DSC3: variants seen among roughly 807,000 people sequenced by gnomAD.
DSC3 encodes the protein desmocollin-3.
Under a neutral mutation model 89.5 loss-of-function variants are expected in DSC3, and 97 were observed. The observed-to-expected ratio is 1.08, with a 90% confidence interval of 0.92 to 1.28. The LOEUF (loss-of-function observed/expected upper bound fraction) is 1.28. DSC3 is among the 50% of genes most tolerant of loss of function. DSC3 has a pLI of 0.00. For missense variants in DSC3, 1,199 were observed against 1,085.3 expected (o/e 1.10, Z -1.47); for synonymous variants, 436 against 384.1 (o/e 1.14, Z -1.58).
chr18:31,018,671 T>G lies in DSC3; in HGVS notation c.1072A>C (p.Asn358His). The G allele has an allele frequency of 6.2e-7, 1 of 1,612,948 alleles. No homozygotes were observed. Among genetic ancestry groups the G allele is most frequent in the Non-Finnish European group, 8.5e-7 (1 of 1,179,818 alleles). Reference protein sequence around the residue: ...SNDNAPTFRQNAYEAFVEENA... With the variant: ...SNDNAPTFRQHAYEAFVEENA... ...TTTTGATATTATATACTTACAGCAT[T>G]TTGTCTGAAAGTGGGTGCATTATCA... Residue 358 changes from asparagine to histidine, a missense_variant, in exon 8 of 16, where the codon AAT (asparagine) becomes CAT (histidine). Transcript: ENST00000360428.
chr18:31,041,514 A>C (rs1321565051), intron 1 of DSC3, among the ~76,000 whole-genome samples: 3 of 152,210 alleles, frequency 2.0e-5, no homozygotes, highest in Non-Finnish European at 4.4e-5. Flanking sequence ...GCCAGGAAGC[A>C]GTAAGAATCC....
intron 4 of DSC3, among the ~76,000 whole-genome samples, chr18:31,027,105 T>C (rs1018889468): frequency 6.6e-6 from 1 of 152,120 alleles, no homozygotes; most frequent in Non-Finnish European, 1.5e-5. Context: ...AAATCAAAAG[T>C]TTAACTATGA....
chr18:31,035,598 A>C lies in DSC3; in HGVS notation c.70-3322T>G, dbSNP rs182453554. 8.8e-3 allele frequency among the ~76,000 whole-genome samples: 1,339 copies of C among 151,870 alleles called. 24 individuals carry two copies. Among genetic ancestry groups the C allele is most frequent in the African/African-American group, 0.03 (1,241 of 41,452 alleles). On this transcript the variant is annotated intron_variant, in intron 1 of 15. Coordinates refer to ENST00000360428, the MANE Select transcript of DSC3 (RefSeq NM_001941.5). Reference sequence around the variant, plus strand: ...CTGTAGTTGTTATTTTTGAATCCCCAAAAAAAAGCTATGCCCAATATATAT... The same window carrying C: ...CTGTAGTTGTTATTTTTGAATCCCCCAAAAAAAGCTATGCCCAATATATAT...
chr18:31,008,187 C>T lies in DSC3; in HGVS notation c.1521-29G>A, dbSNP rs201487066. The T allele has an allele frequency of 2.0e-4, 325 of 1,606,892 alleles. 2 individuals are homozygous for T. The African/African-American group carries it at 4.1e-3, about 20-fold the overall frequency. ...TTAATAAAAAAAAAATAGTCTTTAG[C>T]ATCAGAAAATGTTTTCAAATAAGTT... On this transcript the variant is annotated intron_variant, in intron 10 of 15. Transcript: ENST00000360428.
At position 31,001,735 on chromosome 18, in the gene DSC3, T is replaced by C. The variant is rs781691594; in HGVS notation, c.2118A>G (p.Val706=). ...ILLGIALLFS[V]LLTLVCGVFG... Reference sequence around the variant, plus strand: ...AAACTCCACATACTAAAGTTAGCAATACAGCTGAATTTAAAAATAAAAATA... The same window carrying C: ...AAACTCCACATACTAAAGTTAGCAACACAGCTGAATTTAAAAATAAAAATA... The change falls in exon 14 of 16, where the codon GTA becomes GTG. Residue 706 remains valine, a synonymous_variant. Transcript: ENST00000360428. The C allele has an allele frequency of 6.3e-7, 1 of 1,586,186 alleles. No homozygotes were observed. Among genetic ancestry groups the C allele is most frequent in the Non-Finnish European group, 8.6e-7 (1 of 1,169,112 alleles).
intron 1 of DSC3, 152 bp from the exon 2 acceptor site, chr18:31,032,428 T>A: frequency 1.5e-6 from 1 of 661,630 alleles, no homozygotes. Context: ...ATTTGCTCAA[T>A]ATGGTAAAGT....
chr18:30,996,835 T>C lies in DSC3; in HGVS notation c.2449A>G (p.Thr817Ala), dbSNP rs115171596. 144 of 1,613,286 alleles carry C rather than the reference T, an allele frequency of 8.9e-5. 2 individuals carry two copies. The African/African-American group carries it at 1.4e-3, about 15-fold the overall frequency. Residue 817 changes from threonine to alanine, a missense_variant, in exon 15 of 16, where the codon ACT (threonine) becomes GCT (alanine). Physicochemically the swap from Thr to Ala is moderately conservative, Grantham distance 58. Coordinates refer to ENST00000360428, the MANE Select transcript of DSC3 (RefSeq NM_001941.5). ...GHTEVDNCRY[T>A]YSEWHSFTQP... ...GTAAAACTGTGCCACTCCGAGTAAG[T>C]GTATCTGCAGTTGTCCACCTCCGTG...
Position 31,008,584 on chromosome 18 carries a change from T to C in DSC3, c.1264-59A>G. The C allele has an allele frequency of 3.8e-6, 6 of 1,598,790 alleles. No individual in the cohort carries two copies. In the South Asian group the frequency reaches 5.5e-5, roughly 15 times the overall value. Reference sequence around the variant, plus strand: ...TGTAAAATACATCTGGCATTTCAAATGGCAAGTGAACATTTGTCATCCTGA... The same window carrying C: ...TGTAAAATACATCTGGCATTTCAAACGGCAAGTGAACATTTGTCATCCTGA... On this transcript the variant is annotated intron_variant, in intron 9 of 15. Coordinates refer to ENST00000360428, the MANE Select transcript of DSC3 (RefSeq NM_001941.5).
In DSC3 at chr18:30,993,025, G is replaced by A. The variant is rs1208363977; in HGVS notation, c.*1150C>T. On this transcript the variant is annotated 3_prime_UTR_variant, in exon 16 of 16. Transcript: ENST00000360428. ...TTTAAGGACAATCAATCTCCCCAGGGTGCTTTCAGTAAGATCCTCCCCTCA... is the reference window on the plus strand; with the variant it reads ...TTTAAGGACAATCAATCTCCCCAGGATGCTTTCAGTAAGATCCTCCCCTCA... The A allele has an allele frequency of 6.6e-6, 1 of 152,194 alleles. No homozygotes were observed. The highest frequency in any genetic ancestry group is 2.4e-5 in the African/African-American group (1 of 41,438). 9.4% of individuals were successfully genotyped at this position (152,194 alleles called of 1,614,324 possible).
intron 12 of DSC3, among the ~76,000 whole-genome samples, chr18:31,006,422 C>A (rs1486717584): frequency 6.6e-6 from 1 of 152,050 alleles, no homozygotes; most frequent in African/African-American, 2.4e-5. Context: ...GCCTCAGCCT[C>A]CCCAGTAGCT....
At chr18:31,022,266 A>T in intron 7 of DSC3, 70 bp downstream of exon 7, 1 of 1,564,358 alleles carries the variant, frequency 6.4e-7, no homozygotes. Flanking sequence ...ACAGGATAGC[A>T]AGTTATAATA....
chr18:30,999,987 G>A (rs778529155), intron 14 of DSC3, among the ~76,000 whole-genome samples: 7 of 152,018 alleles, frequency 4.6e-5, no homozygotes, highest in South Asian at 2.1e-4. Context: ...CATCCATGCC[G>A]GTCTTAAAAA....
rs139730443 is a variant in DSC3 at position 31,005,042 on chromosome 18, C to T, written c.1889-676G>A. On this transcript the variant is annotated intron_variant, in intron 12 of 15. Coordinates refer to ENST00000360428, the MANE Select transcript of DSC3 (RefSeq NM_001941.5). ...CAATGGCAGTTACAGCCTCCCTGAG[C>T]TTTTATAATAGACTAAGTAAAATGA... 1.2e-4 allele frequency among the ~76,000 whole-genome samples: 19 copies of T among 152,244 alleles called. No homozygotes were observed. In the East Asian group the frequency reaches 3.7e-3, roughly 29 times the overall value.
chr18:30,996,209 G>C (rs1422848542), intron 15 of DSC3, among the ~76,000 whole-genome samples: 2 of 151,934 alleles, frequency 1.3e-5, no homozygotes, highest in Non-Finnish European at 2.9e-5. Flanking sequence ...TGCAAAGAAA[G>C]TACATTTCAA....
intron 13 of DSC3, among the ~76,000 whole-genome samples, chr18:31,002,882 A>C (rs984908051): frequency 1.3e-5 from 2 of 152,158 alleles, no homozygotes; most frequent in Non-Finnish European, 2.9e-5. Flanking sequence ...TGGCCTGCAA[A>C]GCTTGACATA....
At chr18:31,007,852 CCAAA>C (rs988417728) in intron 11 of DSC3, among the ~76,000 whole-genome samples, 160 bp downstream of exon 11, 7 of 152,106 alleles carry the variant, frequency 4.6e-5, no homozygotes, top group African/African-American at 1.7e-4. Flanking sequence ...CTTCTTGTCA[CCAAA>C]CAGTTTCACC....
intron 1 of DSC3, among the ~76,000 whole-genome samples, chr18:31,037,831 C>T (rs747586505): frequency 3.3e-5 from 5 of 151,384 alleles, no homozygotes; most frequent in Admixed American, 6.6e-5. Context: ...ATCTGGGAGG[C>T]GGAGGTTGCA....
At chr18:31,021,399 C>T (rs1212322712) in intron 7 of DSC3, among the ~76,000 whole-genome samples, 1 of 151,972 alleles carries the variant, frequency 6.6e-6, no homozygotes, top group Non-Finnish European at 1.5e-5. Flanking sequence ...TTATCTATAA[C>T]ATAAAATGCT....
chr18:30,997,374 C>G (rs770437957), intron 14 of DSC3, among the ~76,000 whole-genome samples: 1 of 152,036 alleles, frequency 6.6e-6, no homozygotes, highest in African/African-American at 2.4e-5. Flanking sequence ...CAAAAGAGCA[C>G]GAGTGAGAGG....
Sources: allele counts gnomAD v4.1 joint callset (sites outside exome capture counted in the v4.1 genomes callset), GRCh38; gene constraint gnomAD v4.1.1; transcripts MANE v1.5; gene names NCBI Gene and HGNC (gene_info 2026-07-23, HGNC 2026-07-21).